The following RANBP2 variants were observed in gnomAD, a reference collection of about 807,000 sequenced individuals.
The protein encoded by RANBP2 is E3 SUMO-protein ligase RanBP2.
Under a neutral mutation model 303.6 loss-of-function variants are expected in RANBP2, and 57 were observed. That is an observed-to-expected ratio of 0.19 (90% CI 0.15 to 0.23). The LOEUF (loss-of-function observed/expected upper bound fraction) is 0.23, where lower values mean the gene tolerates loss of function less well. RANBP2 is among the 10% of genes least tolerant of loss of function. The pLI is 1.00. For synonymous variants in RANBP2, 1,167 were observed against 1,301.5 expected (o/e 0.90, Z 2.23); for missense variants, 3,138 against 3,780.8 (o/e 0.83, Z 4.46).
the RANBP2 span, among the ~76,000 whole-genome samples, chr2:108,869,456 G>A: frequency 7.9e-5 from 12 of 152,130 alleles, no homozygotes; most frequent in East Asian, 3.9e-4. Flanking sequence ...GACTTGCCTC[G>A]TTCAGGGCAC....
chr2:109,248,779 TTCTG>T, the RANBP2 span, among the ~76,000 whole-genome samples: 457 of 151,768 alleles, frequency 3.0e-3, 3 homozygotes, highest in African/African-American at 9.9e-3. Context: ...TTTCTCTTCT[TTCTG>T]TCTTTCTCTT....
At chr2:109,432,341 G>A in the RANBP2 span, among the ~76,000 whole-genome samples, 1 of 152,188 alleles carries the variant, frequency 6.6e-6, no homozygotes, top group Non-Finnish European at 1.5e-5. Context: ...GTGAGCTGGG[G>A]AGGGTGTGTG....
chr2:108,934,779 C>T, the RANBP2 span, among the ~76,000 whole-genome samples: 1 of 152,228 alleles, frequency 6.6e-6, no homozygotes, highest in Non-Finnish European at 1.5e-5. Flanking sequence ...CAGAGCCTCA[C>T]GACCTCATCA....
the RANBP2 span, among the ~76,000 whole-genome samples, chr2:109,261,203 T>C: frequency 6.6e-6 from 1 of 152,050 alleles, no homozygotes; most frequent in Non-Finnish European, 1.5e-5. Context: ...GGGCCCTTTG[T>C]AGTTGCATAG....
chr2:108,964,634 G>A, the RANBP2 span, among the ~76,000 whole-genome samples: 1 of 152,172 alleles, frequency 6.6e-6, no homozygotes, highest in Admixed American at 6.5e-5. Flanking sequence ...TGAGCAAATG[G>A]AGCAGCAAAT....
chr2:109,136,640 C>T, the RANBP2 span, among the ~76,000 whole-genome samples: 8 of 152,144 alleles, frequency 5.3e-5, no homozygotes, highest in Non-Finnish European at 1.2e-4. Context: ...GAAGGAGGCC[C>T]AAGAAGAGTC....
chr2:109,467,486 T>C, the RANBP2 span, among the ~76,000 whole-genome samples: 2 of 152,148 alleles, frequency 1.3e-5, no homozygotes, highest in Non-Finnish European at 2.9e-5. Context: ...GAAGAAGCCC[T>C]GGAAGGACAG....
chr2:109,472,803 C>T, the RANBP2 span, among the ~76,000 whole-genome samples: 1 of 152,148 alleles, frequency 6.6e-6, no homozygotes, highest in Non-Finnish European at 1.5e-5. Context: ...AGCCAGACGC[C>T]CGTTGGAAAT....
At chr2:109,674,653 G>T in the RANBP2 span, among the ~76,000 whole-genome samples, 2 of 151,860 alleles carry the variant, frequency 1.3e-5, no homozygotes, top group Non-Finnish European at 2.9e-5. Flanking sequence ...TTAAGGAAAG[G>T]GTTTATGAAA....
chr2:109,264,817 C>T, the RANBP2 span, among the ~76,000 whole-genome samples: 9 of 152,234 alleles, frequency 5.9e-5, no homozygotes, highest in Non-Finnish European at 4.4e-5. Context: ...ATGCCGCACC[C>T]TCCTGAGGCT....
the RANBP2 span, among the ~76,000 whole-genome samples, chr2:109,488,539 T>C: frequency 6.6e-6 from 1 of 152,136 alleles, no homozygotes; most frequent in East Asian, 1.9e-4. Context: ...TGAACAAGCC[T>C]CCTCACTCCC....
At chr2:109,410,149 C>T in the RANBP2 span, among the ~76,000 whole-genome samples, 19 of 152,330 alleles carry the variant, frequency 1.2e-4, no homozygotes, top group African/African-American at 3.8e-4. Context: ...TGGTTACAAC[C>T]TGGCGGTTTA....
chr2:109,186,556 C>G, the RANBP2 span, among the ~76,000 whole-genome samples: 1 of 152,342 alleles, frequency 6.6e-6, no homozygotes, highest in South Asian at 2.1e-4. Context: ...TTTGACATTT[C>G]CAGCAACCAG....
At chr2:108,750,790 T>C (rs1675821096) in intron 9 of RANBP2, among the ~76,000 whole-genome samples, 1 of 152,208 alleles carries the variant, frequency 6.6e-6, no homozygotes, top group South Asian at 2.1e-4. Flanking sequence ...AGTTTCACCA[T>C]GCTGGCCAGG....
chr2:109,449,425 G>T, the RANBP2 span: 1 of 1,613,950 alleles, frequency 6.2e-7, no homozygotes, highest in Non-Finnish European at 8.5e-7. Flanking sequence ...GGGCCCATCG[G>T]TGTTCTGTCC....
chr2:109,682,941 C>T, the RANBP2 span, among the ~76,000 whole-genome samples: 2 of 152,210 alleles, frequency 1.3e-5, no homozygotes, highest in African/African-American at 4.8e-5. Context: ...CCTTAAAAAT[C>T]ATTTACCACC....
At chr2:109,590,451 G>A in the RANBP2 span, among the ~76,000 whole-genome samples, 1 of 150,944 alleles carries the variant, frequency 6.6e-6, no homozygotes. Flanking sequence ...TTTCTTTTGA[G>A]ACAGAGTTTT....
At chr2:109,296,292 A>G in the RANBP2 span, among the ~76,000 whole-genome samples, 1 of 151,962 alleles carries the variant, frequency 6.6e-6, no homozygotes, top group African/African-American at 2.4e-5. Flanking sequence ...CAATGGTGCT[A>G]TCTCGGCTCA....
chr2:109,621,869 C>G, the RANBP2 span, among the ~76,000 whole-genome samples: 1 of 151,876 alleles, frequency 6.6e-6, no homozygotes, highest in Non-Finnish European at 1.5e-5. Context: ...GCTGAGATTG[C>G]ACCACTGTAC....
Sources: allele counts gnomAD v4.1 joint callset (sites outside exome capture counted in the v4.1 genomes callset), GRCh38; gene constraint gnomAD v4.1.1; transcripts MANE v1.5; gene names NCBI Gene and HGNC (gene_info 2026-07-23, HGNC 2026-07-21).